Variants in ATE1 observed in about 807,000 individuals in gnomAD.
ATE1 encodes the protein arginyltransferase 1.
Under a neutral mutation model 70.5 loss-of-function variants are expected in ATE1, and 36 were observed. That is an observed-to-expected ratio of 0.51 (90% CI 0.39 to 0.67). The LOEUF (loss-of-function observed/expected upper bound fraction) is 0.67, where lower values mean the gene tolerates loss of function less well. ATE1 is among the 30% of genes least tolerant of loss of function. The pLI is 0.00. For missense variants in ATE1, 593 were observed against 629.5 expected (o/e 0.94, Z 0.62); for synonymous variants, 232 against 219.3 (o/e 1.06, Z -0.51).
chr10:121,752,189 T>G (rs1168673724), intron 11 of ATE1, among the ~76,000 whole-genome samples: 1 of 133,782 alleles, frequency 7.5e-6, no homozygotes, highest in Admixed American at 7.9e-5. Flanking sequence ...AGAGTGAGAC[T>G]CTGTCTCAAA....
At position 121,760,927 on chromosome 10, in the gene ATE1, T is replaced by C. The variant is rs139274752; in HGVS notation, c.1379-17069A>G. Among the ~76,000 whole-genome samples the C allele has an allele frequency of 4.1e-4, 63 of 152,278 alleles. 1 individual carries two copies. In the East Asian group the frequency reaches 0.01, roughly 25 times the overall value. ...GTCCTCCCAAACATCATGTTGAAAT[T>C]TGATGTCCAATGTTGGAGGTGGAGC... On this transcript the variant is annotated intron_variant, in intron 11 of 11. Coordinates refer to ENST00000224652, the MANE Select transcript of ATE1 (RefSeq NM_001001976.3).
At chr10:121,745,597 G>C (rs887280695) in intron 11 of ATE1, among the ~76,000 whole-genome samples, 10 of 152,090 alleles carry the variant, frequency 6.6e-5, no homozygotes, top group Admixed American at 1.3e-4. Flanking sequence ...CGTGGTGGCG[G>C]GCGCCTGTAG....
chr10:121,890,584 A>T (rs1200295604), intron 7 of ATE1, among the ~76,000 whole-genome samples: 2 of 152,220 alleles, frequency 1.3e-5, no homozygotes, highest in Non-Finnish European at 2.9e-5. Context: ...TAGTCAGTGA[A>T]TGCAGAAGTA....
At chr10:121,862,214 G>A (rs115797380) in intron 8 of ATE1, among the ~76,000 whole-genome samples, 8 of 152,150 alleles carry the variant, frequency 5.3e-5, no homozygotes, top group Admixed American at 3.9e-4. Flanking sequence ...TCAACCTTCC[G>A]ACCACCTCAT....
In ATE1 at chr10:121,837,174, C is replaced by T. The variant is rs564645636; in HGVS notation, c.1158-357G>A. ...TGGGCTTAACAGGTTAAAAACAGTA[C>T]AGCACATTTTAGAAAACTCAAAAGC... On this transcript the variant is annotated intron_variant, in intron 9 of 11. Coordinates refer to ENST00000224652, the MANE Select transcript of ATE1 (RefSeq NM_001001976.3). 6.6e-5 allele frequency among the ~76,000 whole-genome samples: 10 copies of T among 152,298 alleles called. 1 individual carries two copies. The highest frequency in any genetic ancestry group is 2.2e-4 in the African/African-American group (9 of 41,570).
chr10:121,754,715 C>T (rs1944722462), intron 11 of ATE1, among the ~76,000 whole-genome samples: 1 of 152,142 alleles, frequency 6.6e-6, no homozygotes, highest in Non-Finnish European at 1.5e-5. Flanking sequence ...GATATTTACA[C>T]CATCTCAGGA....
intron 11 of ATE1, among the ~76,000 whole-genome samples, chr10:121,780,778 T>C (rs1164215645): frequency 6.6e-6 from 1 of 152,132 alleles, no homozygotes; most frequent in Non-Finnish European, 1.5e-5. Context: ...GGCCACTTCA[T>C]CCAAGCAGAT....
intron 8 of ATE1, among the ~76,000 whole-genome samples, chr10:121,849,664 C>T (rs1252641697): frequency 6.6e-6 from 1 of 152,174 alleles, no homozygotes; most frequent in African/African-American, 2.4e-5. Flanking sequence ...GATAACTGGT[C>T]GACTCAGCAC....
chr10:121,855,409 A>C (rs1949210471), intron 8 of ATE1, among the ~76,000 whole-genome samples: 1 of 152,190 alleles, frequency 6.6e-6, no homozygotes, highest in Admixed American at 6.5e-5. Flanking sequence ...CTGGTTTGTT[A>C]GTCCTTTTGT....
intron 10 of ATE1, among the ~76,000 whole-genome samples, chr10:121,826,723 T>C (rs947968758): frequency 3.9e-5 from 6 of 152,218 alleles, no homozygotes; most frequent in South Asian, 4.1e-4. Context: ...ACCTAGGTAG[T>C]GCGCACAGCA....
chr10:121,926,654 T>C (rs1952104145), intron 1 of ATE1: 2 of 880,992 alleles, frequency 2.3e-6, no homozygotes, highest in Non-Finnish European at 2.7e-6. Flanking sequence ...AACTTATTGA[T>C]TTGATAAATA....
chr10:121,815,875 T>C (rs1947520808), intron 10 of ATE1, among the ~76,000 whole-genome samples: 1 of 152,180 alleles, frequency 6.6e-6, no homozygotes. Context: ...GTATGTCCTA[T>C]TGCAGGATGT....
intron 11 of ATE1, among the ~76,000 whole-genome samples, chr10:121,767,881 CA>C (rs1564821237): frequency 6.6e-6 from 1 of 152,098 alleles, no homozygotes. Context: ...GGAGTATATA[CA>C]AAAGAAATCA....
At chr10:121,814,342 G>A (rs1450847017) in intron 10 of ATE1, among the ~76,000 whole-genome samples, 2 of 152,160 alleles carry the variant, frequency 1.3e-5, no homozygotes, top group African/African-American at 2.4e-5. Flanking sequence ...ATTTAAGAGA[G>A]CTATATGAAA....
intron 3 of ATE1, among the ~76,000 whole-genome samples, chr10:121,918,257 T>C (rs1951737646): frequency 6.6e-6 from 1 of 150,464 alleles, no homozygotes; most frequent in African/African-American, 2.5e-5. Context: ...CACTTGAACC[T>C]GGGAGGCGGA....
At position 121,791,028 on chromosome 10, in the gene ATE1, ATGTATATATG is replaced by A. The variant is rs1318497705; in HGVS notation, c.1258-749_1258-740del. ...TATATATGTATACATGTGTGTATAT[ATGTATATATG>A]TGTATATATATGTATACGTGTGTGT... is the stretch of plus-strand genomic sequence containing the variant. On this transcript the variant is annotated intron_variant, in intron 10 of 11. Coordinates refer to ENST00000224652, the MANE Select transcript of ATE1 (RefSeq NM_001001976.3). Among the ~76,000 whole-genome samples the A allele has an allele frequency of 7.0e-4, 105 of 150,210 alleles. 1 individual carries two copies. Among genetic ancestry groups the A allele is most frequent in the African/African-American group, 2.5e-3 (101 of 40,884 alleles).
intron 11 of ATE1, among the ~76,000 whole-genome samples, chr10:121,782,343 C>G (rs138837610): frequency 6.6e-6 from 1 of 152,104 alleles, no homozygotes; most frequent in South Asian, 2.1e-4. Context: ...TCACAAGGCA[C>G]GAAAATGTTC....
intron 7 of ATE1, among the ~76,000 whole-genome samples, chr10:121,883,961 C>T (rs1006203194): frequency 1.3e-5 from 2 of 151,698 alleles, no homozygotes; most frequent in African/African-American, 4.9e-5. Context: ...AAAAATTAGC[C>T]GGGCGGTAGT....
At chr10:121,772,480 C>CA (rs1267765485) in intron 11 of ATE1, among the ~76,000 whole-genome samples, 2 of 151,972 alleles carry the variant, frequency 1.3e-5, no homozygotes, top group Non-Finnish European at 2.9e-5. Context: ...TAATTAACCA[C>CA]AAAAAAACTT....
Sources: allele counts gnomAD v4.1 joint callset (sites outside exome capture counted in the v4.1 genomes callset), GRCh38; gene constraint gnomAD v4.1.1; transcripts MANE v1.5; gene names NCBI Gene and HGNC (gene_info 2026-07-23, HGNC 2026-07-21).